TMCO5A: variants seen among roughly 807,000 people sequenced by gnomAD.
The protein encoded by TMCO5A is transmembrane and coiled-coil domains 5A.
TMCO5A carries 34 observed loss-of-function variants against 42.3 expected under a neutral mutation model. That is an observed-to-expected ratio of 0.80 (90% CI 0.61 to 1.07). The LOEUF (loss-of-function observed/expected upper bound fraction) is 1.07, where lower values mean the gene tolerates loss of function less well. TMCO5A is among the 50% of genes least tolerant of loss of function. The pLI is 0.00. For synonymous variants in TMCO5A, 131 were observed against 115.6 expected, an observed-to-expected ratio of 1.13 and a Z score of -0.86; for missense variants, 357 against 327.9, an observed-to-expected ratio of 1.09 and a Z score of -0.69.
the TMCO5A span, among the ~76,000 whole-genome samples, chr15:37,977,362 G>T: frequency 6.6e-6 from 1 of 152,190 alleles, no homozygotes; most frequent in Non-Finnish European, 1.5e-5. Flanking sequence ...TAATTGTGGT[G>T]TAATTTGAGT....
At chr15:37,941,469 T>G (rs1465087160) in intron 7 of TMCO5A, among the ~76,000 whole-genome samples, 1 of 152,054 alleles carries the variant, frequency 6.6e-6, no homozygotes, top group Non-Finnish European at 1.5e-5. Flanking sequence ...TGCCCCCAAA[T>G]TCCACCTTTG....
chr15:38,021,366 G>A, the TMCO5A span, among the ~76,000 whole-genome samples: 1 of 152,180 alleles, frequency 6.6e-6, no homozygotes, highest in Non-Finnish European at 1.5e-5. Flanking sequence ...AGGTCTGCGT[G>A]CAGCTCTCCA....
the TMCO5A span, among the ~76,000 whole-genome samples, chr15:38,037,308 CACTT>C: frequency 6.6e-6 from 1 of 152,218 alleles, no homozygotes; most frequent in African/African-American, 2.4e-5. Context: ...GTATGCATTA[CACTT>C]ACTTATTTAA....
the TMCO5A span, among the ~76,000 whole-genome samples, chr15:38,025,371 G>A: frequency 6.6e-6 from 1 of 151,864 alleles, no homozygotes. Flanking sequence ...GGCTTCTTTA[G>A]CTCCAAAAAG....
At position 37,943,091 on chromosome 15, in the gene TMCO5A, T is replaced by G. The variant is rs1214848371; in HGVS notation, c.570-250T>G. 1.1e-5 allele frequency: 4 copies of G among 354,244 alleles called. No homozygotes were observed. The East Asian group carries it at 2.2e-4, about 19-fold the overall frequency. 21.9% of individuals were successfully genotyped at this position (354,244 alleles called of 1,614,324 possible). The stretch of plus-strand genomic sequence containing the variant: ...GTTAAGCCAAGATTCTAGAAAAGGT[T>G]GCCCAGTAGAATTTTCTGTGCTAGT... On this transcript the variant is annotated intron_variant, in intron 9 of 11. Coordinates refer to ENST00000319669, the MANE Select transcript of TMCO5A (RefSeq NM_152453.4).
At chr15:38,025,408 A>G in the TMCO5A span, among the ~76,000 whole-genome samples, 1 of 151,984 alleles carries the variant, frequency 6.6e-6, no homozygotes, top group East Asian at 1.9e-4. Context: ...CTGGGACCTC[A>G]CCACCATATC....
intron 11 of TMCO5A, among the ~76,000 whole-genome samples, chr15:37,950,432 A>G (rs1890118773): frequency 6.6e-6 from 1 of 152,158 alleles, no homozygotes; most frequent in Admixed American, 6.6e-5. Context: ...TTGGGAGGAT[A>G]CATAACAATA....
intron 11 of TMCO5A, among the ~76,000 whole-genome samples, chr15:37,948,940 G>A (rs1359614486): frequency 6.6e-6 from 1 of 151,996 alleles, no homozygotes; most frequent in Non-Finnish European, 1.5e-5. Context: ...GCTGGCTCCT[G>A]TCACCAAGAT....
chr15:38,001,716 T>C, the TMCO5A span, among the ~76,000 whole-genome samples: 36 of 152,046 alleles, frequency 2.4e-4, no homozygotes, highest in Admixed American at 4.6e-4. Flanking sequence ...AATAATATCT[T>C]ATAACTCCTT....
intron 11 of TMCO5A, among the ~76,000 whole-genome samples, chr15:37,965,641 A>G (rs1355970012): frequency 6.6e-6 from 1 of 152,258 alleles, no homozygotes; most frequent in Non-Finnish European, 1.5e-5. Context: ...ACAAATGGCA[A>G]ACAGGCATGT....
chr15:38,022,105 C>T, the TMCO5A span, among the ~76,000 whole-genome samples: 4 of 152,134 alleles, frequency 2.6e-5, no homozygotes, highest in African/African-American at 7.2e-5. Flanking sequence ...CCATCACACC[C>T]GGCCAGTTTC....
chr15:37,948,759 T>C (rs1890053832), intron 11 of TMCO5A, among the ~76,000 whole-genome samples: 1 of 152,076 alleles, frequency 6.6e-6, no homozygotes, highest in African/African-American at 2.4e-5. Flanking sequence ...ACTGGTACAC[T>C]GGGCACTAAC....
chr15:37,949,249 CAT>C (rs1382855471), intron 11 of TMCO5A, among the ~76,000 whole-genome samples: 1 of 152,044 alleles, frequency 6.6e-6, no homozygotes, highest in African/African-American at 2.4e-5. Context: ...GATAGAAACT[CAT>C]ATCAAAAAAG....
chr15:37,958,652 C>A (rs534565582), intron 11 of TMCO5A, among the ~76,000 whole-genome samples: 2 of 152,072 alleles, frequency 1.3e-5, no homozygotes, highest in Non-Finnish European at 2.9e-5. Flanking sequence ...GAAATAGGAA[C>A]GCTTTTACAC....
the TMCO5A span, among the ~76,000 whole-genome samples, chr15:37,995,393 G>A: frequency 6.6e-6 from 1 of 152,202 alleles, no homozygotes; most frequent in African/African-American, 2.4e-5. Context: ...TCACTCCACA[G>A]GAGATGAACC....
chr15:38,025,773 C>T, the TMCO5A span, among the ~76,000 whole-genome samples: 8 of 152,136 alleles, frequency 5.3e-5, no homozygotes, highest in African/African-American at 1.9e-4. Flanking sequence ...ATTATATTCC[C>T]ATAATTTCCA....
At chr15:37,976,435 A>T in the TMCO5A span, among the ~76,000 whole-genome samples, 1 of 151,966 alleles carries the variant, frequency 6.6e-6, no homozygotes, top group Non-Finnish European at 1.5e-5. Context: ...GTATTTCTTG[A>T]ATTTGAATGT....
intron 11 of TMCO5A, among the ~76,000 whole-genome samples, chr15:37,949,669 T>C (rs1488194318): frequency 1.3e-5 from 2 of 151,094 alleles, no homozygotes; most frequent in Non-Finnish European, 3.0e-5. Flanking sequence ...ATACAGTATA[T>C]ACAAAAGGCA....
chr15:38,031,216 T>A, the TMCO5A span, among the ~76,000 whole-genome samples: 30,854 of 152,056 alleles, frequency 0.2, 3,223 homozygotes, highest in South Asian at 0.32. Context: ...AATCCTTCCA[T>A]GTCTTCTCCC....
Sources: allele counts gnomAD v4.1 joint callset (sites outside exome capture counted in the v4.1 genomes callset), GRCh38; gene constraint gnomAD v4.1.1; transcripts MANE v1.5; gene names NCBI Gene and HGNC (gene_info 2026-07-23, HGNC 2026-07-21).